Variants in PTPRD observed in about 807,000 individuals in gnomAD.
PTPRD encodes receptor-type tyrosine-protein phosphatase delta.
Under a neutral mutation model 214.5 loss-of-function variants are expected in PTPRD, and 34 were observed. The observed-to-expected ratio is 0.16, with a 90% CI of 0.12 to 0.21. PTPRD has a LOEUF of 0.21. Ranked by LOEUF, PTPRD falls within the 10% of genes least tolerant of loss-of-function variation. The pLI, the probability that PTPRD is intolerant of heterozygous loss-of-function variation, is 1.00. For synonymous variants in PTPRD, 1,128 were observed against 845.7 expected, an observed-to-expected ratio of 1.33 and a Z score of -5.79; for missense variants, 2,545 against 2,398.7, an observed-to-expected ratio of 1.06 and a Z score of -1.27.
At chr9:8,760,260 C>G (rs537130230) in intron 11 of PTPRD, among the ~76,000 whole-genome samples, 1 of 151,946 alleles carries the variant, frequency 6.6e-6, no homozygotes. Flanking sequence ...CACACAGATA[C>G]ACACACACAC....
chr9:9,503,576 G>C (rs1162602103), intron 8 of PTPRD, among the ~76,000 whole-genome samples: 1 of 151,720 alleles, frequency 6.6e-6, no homozygotes, highest in African/African-American at 2.4e-5. Flanking sequence ...ATATGGTTTA[G>C]TCAACTACAG....
At chr9:9,952,498 C>G (rs1306632006) in intron 4 of PTPRD, among the ~76,000 whole-genome samples, 2 of 152,064 alleles carry the variant, frequency 1.3e-5, no homozygotes, top group Admixed American at 1.3e-4. Context: ...AAGCAGAAGG[C>G]CAACATCGTT....
chr9:9,628,325 A>G (rs1184350599), intron 7 of PTPRD, among the ~76,000 whole-genome samples: 1 of 152,118 alleles, frequency 6.6e-6, no homozygotes, highest in Non-Finnish European at 1.5e-5. Context: ...TCCATATCCT[A>G]CCAGCAGCTC....
intron 37 of PTPRD, 61 bp from the exon 38 acceptor site, chr9:8,376,787 T>A (rs2083382924): frequency 6.3e-7 from 1 of 1,598,862 alleles, no homozygotes; most frequent in South Asian, 1.1e-5. Flanking sequence ...TTAACTTTGC[T>A]TTGAGTTGCT....
At chr9:8,628,774 A>G (rs1279840634) in intron 14 of PTPRD, among the ~76,000 whole-genome samples, 1 of 151,890 alleles carries the variant, frequency 6.6e-6, no homozygotes, top group East Asian at 1.9e-4. Flanking sequence ...TCATTCACAA[A>G]TAATATATTT....
At chr9:9,050,412 G>A (rs113434104) in intron 10 of PTPRD, among the ~76,000 whole-genome samples, 1 of 152,166 alleles carries the variant, frequency 6.6e-6, no homozygotes, top group Non-Finnish European at 1.5e-5. Flanking sequence ...TATATTACAT[G>A]GTCTCTCAAC....
At chr9:8,503,536 A>T (rs552816458) in intron 23 of PTPRD, among the ~76,000 whole-genome samples, 1 of 152,226 alleles carries the variant, frequency 6.6e-6, no homozygotes, top group Non-Finnish European at 1.5e-5. Context: ...AAAATCCTGT[A>T]TAATACTTTA....
chr9:9,573,418 A>T (rs972855816), intron 8 of PTPRD, among the ~76,000 whole-genome samples: 17 of 132,458 alleles, frequency 1.3e-4, no homozygotes, highest in South Asian at 9.4e-4. Flanking sequence ...TCTTTTTTTA[A>T]AAAAAAAAAA....
chr9:9,518,153 A>G (rs1590471857), intron 8 of PTPRD, among the ~76,000 whole-genome samples: 2 of 152,202 alleles, frequency 1.3e-5, no homozygotes, highest in African/African-American at 4.8e-5. Flanking sequence ...TGGGATTTTT[A>G]ACTTTTAGAA....
At chr9:10,023,304 G>A (rs2096858646) in intron 4 of PTPRD, among the ~76,000 whole-genome samples, 1 of 152,062 alleles carries the variant, frequency 6.6e-6, no homozygotes, top group Non-Finnish European at 1.5e-5. Flanking sequence ...GGAGAATTCA[G>A]GGCTTCCATT....
chr9:10,194,528 C>A (rs896403089), intron 3 of PTPRD, among the ~76,000 whole-genome samples: 5 of 151,780 alleles, frequency 3.3e-5, no homozygotes, highest in Admixed American at 1.3e-4. Context: ...ATCATACAAC[C>A]GTTATATGTT....
chr9:9,540,610 G>C lies in PTPRD; in HGVS notation c.-237+34122C>G, dbSNP rs16929717. On this transcript the variant is annotated intron_variant, in intron 8 of 45. Transcript: ENST00000381196. ...CACATATAAAGTGGGACTTGAAAGAGGAGACTTCCAGATGGATTATTTTTT... is the reference window on the plus strand; with the variant it reads ...CACATATAAAGTGGGACTTGAAAGACGAGACTTCCAGATGGATTATTTTTT... Among the ~76,000 whole-genome samples the C allele has an allele frequency of 3.4e-3, 512 of 151,950 alleles. 3 individuals carry two copies. Among genetic ancestry groups the C allele is most frequent in the African/African-American group, 0.012 (485 of 41,512 alleles).
chr9:10,320,513 A>G (rs1422720688), intron 3 of PTPRD, among the ~76,000 whole-genome samples: 1 of 152,048 alleles, frequency 6.6e-6, no homozygotes, highest in Non-Finnish European at 1.5e-5. Context: ...ATCTTCTGAT[A>G]TTGCAACATC....
chr9:9,227,216 A>G (rs1205987648), intron 9 of PTPRD, among the ~76,000 whole-genome samples: 1 of 152,144 alleles, frequency 6.6e-6, no homozygotes, highest in Non-Finnish European at 1.5e-5. Context: ...ATACTGGTGA[A>G]GCCCTTGAGT....
chr9:10,506,672 C>T (rs1254024108), intron 2 of PTPRD, among the ~76,000 whole-genome samples: 1 of 152,058 alleles, frequency 6.6e-6, no homozygotes, highest in Non-Finnish European at 1.5e-5. Flanking sequence ...CAGACTACTA[C>T]AATCTATTTA....
At chr9:9,875,811 A>G (rs1456306456) in intron 5 of PTPRD, among the ~76,000 whole-genome samples, 1 of 152,166 alleles carries the variant, frequency 6.6e-6, no homozygotes, top group Non-Finnish European at 1.5e-5. Flanking sequence ...TCTTAGTAAA[A>G]TGTGATAAAT....
intron 7 of PTPRD, among the ~76,000 whole-genome samples, chr9:9,732,995 T>C (rs990062881): frequency 6.6e-6 from 1 of 152,142 alleles, no homozygotes; most frequent in Non-Finnish European, 1.5e-5. Flanking sequence ...ACTGAATTCA[T>C]CATTGTGAAT....
At chr9:8,868,093 T>C (rs2098230545) in intron 11 of PTPRD, among the ~76,000 whole-genome samples, 1 of 152,224 alleles carries the variant, frequency 6.6e-6, no homozygotes, top group South Asian at 2.1e-4. Flanking sequence ...CCACCCTGGT[T>C]GTGCATTAGA....
At chr9:9,817,247 C>T (rs1324068737) in intron 5 of PTPRD, among the ~76,000 whole-genome samples, 1 of 152,120 alleles carries the variant, frequency 6.6e-6, no homozygotes, top group African/African-American at 2.4e-5. Flanking sequence ...TAACAACTAA[C>T]TACAACGATT....
Sources: gnomAD v4.1 joint callset for allele counts (sites outside exome capture counted in the v4.1 genomes callset) on GRCh38, gnomAD v4.1.1 for gene constraint, MANE v1.5 for transcripts, NCBI Gene and HGNC (gene_info 2026-07-23, HGNC 2026-07-21) for gene names.